NPAS3: variants seen among roughly 807,000 people sequenced by gnomAD.
NPAS3 encodes neuronal PAS domain protein 3.
A neutral mutation model predicts 73.1 loss-of-function variants in NPAS3; 14 were observed. The observed-to-expected ratio is 0.19, with a 90% CI of 0.13 to 0.30. NPAS3 has a LOEUF of 0.30. NPAS3 is among the 10% of genes least tolerant of loss of function. The pLI is 1.00. For missense variants in NPAS3, 1,096 were observed against 1,250.0 expected (o/e 0.88, Z 1.86); for synonymous variants, 620 against 541.5 (o/e 1.14, Z -2.01).
At chr14:33,744,135 A>G (rs879926627) in intron 7 of NPAS3, among the ~76,000 whole-genome samples, 1 of 152,170 alleles carries the variant, frequency 6.6e-6, no homozygotes, top group Non-Finnish European at 1.5e-5. Flanking sequence ...GCTAACTGGC[A>G]CCAAGAGGCT....
chr14:33,530,115 A>T (rs764263858), intron 4 of NPAS3, among the ~76,000 whole-genome samples: 1 of 152,142 alleles, frequency 6.6e-6, no homozygotes, highest in East Asian at 1.9e-4. Flanking sequence ...TATTTAATGC[A>T]TAAAATATGT....
At chr14:33,164,525 T>C (rs2045045385) in intron 2 of NPAS3, among the ~76,000 whole-genome samples, 1 of 152,094 alleles carries the variant, frequency 6.6e-6, no homozygotes, top group Admixed American at 6.5e-5. Flanking sequence ...AAAATCTTCT[T>C]CAAATGAACA....
At chr14:33,665,600 C>A (rs368065663) in intron 5 of NPAS3, among the ~76,000 whole-genome samples, 5 of 152,072 alleles carry the variant, frequency 3.3e-5, no homozygotes, top group African/African-American at 1.2e-4. Context: ...CATTGCATGC[C>A]TGTATCAAAA....
At chr14:33,537,340 A>T (rs965508760) in intron 4 of NPAS3, among the ~76,000 whole-genome samples, 11 of 152,228 alleles carry the variant, frequency 7.2e-5, no homozygotes, top group African/African-American at 2.2e-4. Flanking sequence ...GAGGATTAAA[A>T]TGAAACAAAT....
At chr14:33,454,719 G>C (rs1367406589) in intron 4 of NPAS3, among the ~76,000 whole-genome samples, 1 of 152,134 alleles carries the variant, frequency 6.6e-6, no homozygotes, top group Non-Finnish European at 1.5e-5. Context: ...AAATAAACCG[G>C]GGAGTTGGGG....
At position 33,656,960 on chromosome 14, in the gene NPAS3, A is replaced by T. The variant is rs148365211; in HGVS notation, c.559-19251A>T. 1.1e-3 allele frequency among the ~76,000 whole-genome samples: 175 copies of T among 152,338 alleles called. 1 individual carries two copies. Among genetic ancestry groups the T allele is most frequent in the African/African-American group, 3.9e-3 (163 of 41,576 alleles). On this transcript the variant is annotated intron_variant, in intron 5 of 11. Transcript: ENST00000356141. ...TGCAGCCTTATTCACAGTAGCCAAG[A>T]TACGGAATCAACCTAAGGGTTCATC...
At position 33,196,044 on chromosome 14, in the gene NPAS3, A is replaced by G. The variant is rs541490515; in HGVS notation, c.141-19138A>G. Among the ~76,000 whole-genome samples the G allele has an allele frequency of 7.9e-5, 12 of 152,376 alleles. No individual in the cohort carries two copies. The South Asian group carries it at 2.5e-3, about 32-fold the overall frequency. Reference sequence around the variant, plus strand: ...CTTTTGTTTTAAGGTGAAGAAACACAGAGTCAGAGAAATTAAATGTCTTGA... The same window carrying G: ...CTTTTGTTTTAAGGTGAAGAAACACGGAGTCAGAGAAATTAAATGTCTTGA... On this transcript the variant is annotated intron_variant, in intron 2 of 11. Coordinates refer to ENST00000356141, the Ensembl canonical transcript of NPAS3.
chr14:33,168,782 T>G (rs1307620991), intron 2 of NPAS3, among the ~76,000 whole-genome samples: 1 of 152,180 alleles, frequency 6.6e-6, no homozygotes, highest in Non-Finnish European at 1.5e-5. Context: ...CACGTTGGCC[T>G]TCCTCCTGTT....
In NPAS3 at chr14:33,288,337, G is replaced by C. The variant is rs150150142; in HGVS notation, c.385+72911G>C. On this transcript the variant is annotated intron_variant, in intron 3 of 11. Coordinates refer to ENST00000356141, the Ensembl canonical transcript of NPAS3. ...TGTTAAGGCCAGACTTTGAGCATCT[G>C]TCTTTTCCAAGACTTTCATATTTCA... Among the ~76,000 whole-genome samples, 749 of 152,136 alleles carry C rather than the reference G, an allele frequency of 4.9e-3. 8 individuals are homozygous for C. The highest frequency in any genetic ancestry group is 0.017 in the African/African-American group (719 of 41,516).
chr14:33,247,036 A>AAAG (rs2048417164), intron 3 of NPAS3, among the ~76,000 whole-genome samples: 1 of 151,798 alleles, frequency 6.6e-6, no homozygotes, highest in South Asian at 2.1e-4. Context: ...AACAAACAAA[A>AAAG]AAGAGAAAGA....
chr14:33,004,189 G>C (rs1348182123), intron 1 of NPAS3, among the ~76,000 whole-genome samples: 1 of 152,184 alleles, frequency 6.6e-6, no homozygotes. Flanking sequence ...AGTACAGTGT[G>C]TGTTGCTTAA....
At chr14:33,255,972 G>C (rs1321284138) in intron 3 of NPAS3, among the ~76,000 whole-genome samples, 1 of 152,110 alleles carries the variant, frequency 6.6e-6, no homozygotes, top group Admixed American at 6.6e-5. Flanking sequence ...GAAATTATTT[G>C]TTTATGTAAA....
chr14:33,721,416 G>A (rs1338046357), intron 6 of NPAS3, among the ~76,000 whole-genome samples: 1 of 152,070 alleles, frequency 6.6e-6, no homozygotes, highest in African/African-American at 2.4e-5. Flanking sequence ...GGGCTAGTTG[G>A]TCAATTATAT....
intron 5 of NPAS3, among the ~76,000 whole-genome samples, chr14:33,625,769 T>A (rs1018674350): frequency 6.6e-6 from 1 of 152,182 alleles, no homozygotes; most frequent in African/African-American, 2.4e-5. Context: ...TAACCCATAT[T>A]GTCTCCAAAT....
At chr14:33,134,175 A>G (rs1261390299) in intron 2 of NPAS3, among the ~76,000 whole-genome samples, 3 of 150,404 alleles carry the variant, frequency 2.0e-5, no homozygotes, top group Non-Finnish European at 4.4e-5. Context: ...TTTTTGGGTG[A>G]TTTTCTTCTT....
chr14:33,300,814 T>A (rs1174717669), intron 3 of NPAS3, among the ~76,000 whole-genome samples: 1 of 152,010 alleles, frequency 6.6e-6, no homozygotes, highest in Non-Finnish European at 1.5e-5. Context: ...AGGGACCGTA[T>A]CAGCTGTAAG....
At chr14:33,777,117 T>C (rs1398180027) in intron 8 of NPAS3, among the ~76,000 whole-genome samples, 1 of 152,150 alleles carries the variant, frequency 6.6e-6, no homozygotes, top group Admixed American at 6.5e-5. Flanking sequence ...AAAGCCGACA[T>C]CTAATGCTTT....
intron 6 of NPAS3, among the ~76,000 whole-genome samples, chr14:33,692,978 T>C (rs2060275424): frequency 1.3e-5 from 2 of 152,116 alleles, no homozygotes; most frequent in South Asian, 2.1e-4. Context: ...GGATGATTCA[T>C]TGTGTGGAAA....
At chr14:33,346,941 T>C (rs969104190) in intron 3 of NPAS3, among the ~76,000 whole-genome samples, 5 of 152,150 alleles carry the variant, frequency 3.3e-5, no homozygotes, top group African/African-American at 1.2e-4. Context: ...TGCCAATATG[T>C]TTCCTCCAGG....
Sources: gnomAD v4.1 joint callset for allele counts (sites outside exome capture counted in the v4.1 genomes callset) on GRCh38, gnomAD v4.1.1 for gene constraint, MANE v1.5 for transcripts, NCBI Gene and HGNC (gene_info 2026-07-23, HGNC 2026-07-21) for gene names.